Variants in LGSN observed in about 807,000 individuals in gnomAD.
LGSN encodes lengsin.
In LGSN, 21 loss-of-function variants were observed where a neutral mutation model predicts 19.5. That is an observed-to-expected ratio of 1.07 (90% confidence interval 0.76 to 1.55). The LOEUF (loss-of-function observed/expected upper bound fraction) is 1.55, where lower values mean the gene tolerates loss of function less well. Among genes scored for constraint, LGSN ranks in the 40% most tolerant of loss-of-function variants. The pLI, the probability that LGSN is intolerant of heterozygous loss-of-function variation, is 0.00. For synonymous variants in LGSN, 257 were observed against 215.6 expected, an observed-to-expected ratio of 1.19 and a Z score of -1.68; for missense variants, 673 against 608.5, an observed-to-expected ratio of 1.11 and a Z score of -1.12.
At chr6:63,484,970 A>T in the LGSN span, among the ~76,000 whole-genome samples, 1 of 152,198 alleles carries the variant, frequency 6.6e-6, no homozygotes, top group African/African-American at 2.4e-5. Context: ...AGAAAGATTT[A>T]GATTTATTCT....
chr6:63,370,689 G>A, the LGSN span, among the ~76,000 whole-genome samples: 2 of 152,336 alleles, frequency 1.3e-5, no homozygotes, highest in Non-Finnish European at 1.5e-5. Flanking sequence ...CTGGGCAGGG[G>A]CACAGATTGG....
At chr6:63,408,480 T>C in the LGSN span, among the ~76,000 whole-genome samples, 55 of 145,370 alleles carry the variant, frequency 3.8e-4, no homozygotes, top group Admixed American at 1.7e-3. Flanking sequence ...TAGCCATATG[T>C]AGAAAGCTGA....
chr6:63,352,324 G>A, the LGSN span, among the ~76,000 whole-genome samples: 1 of 152,114 alleles, frequency 6.6e-6, no homozygotes, highest in Non-Finnish European at 1.5e-5. Flanking sequence ...GGAATGTCAT[G>A]CTTATGCCTT....
the LGSN span, among the ~76,000 whole-genome samples, chr6:63,379,326 C>A: frequency 2.5e-4 from 38 of 152,258 alleles, no homozygotes; most frequent in African/African-American, 8.7e-4. Flanking sequence ...AACGAGGAGA[C>A]AACTGCTGTT....
the LGSN span, among the ~76,000 whole-genome samples, chr6:63,543,435 A>G: frequency 6.6e-6 from 1 of 152,240 alleles, no homozygotes; most frequent in African/African-American, 2.4e-5. Context: ...CTCCCACTAA[A>G]GTGTAAATTA....
the LGSN span, among the ~76,000 whole-genome samples, chr6:63,409,352 C>G: frequency 6.6e-6 from 1 of 152,262 alleles, no homozygotes; most frequent in African/African-American, 2.4e-5. Context: ...TCAGTCTATT[C>G]AGGCTTTTTA....
At chr6:63,520,101 A>G in the LGSN span, among the ~76,000 whole-genome samples, 2 of 152,194 alleles carry the variant, frequency 1.3e-5, no homozygotes, top group Non-Finnish European at 2.9e-5. Context: ...TCAAACAAAA[A>G]CTAACCACTG....
the LGSN span, among the ~76,000 whole-genome samples, chr6:63,544,628 T>C: frequency 6.6e-6 from 1 of 152,172 alleles, no homozygotes; most frequent in Non-Finnish European, 1.5e-5. Flanking sequence ...GTGGATCAGT[T>C]ATTATTTATC....
the LGSN span, among the ~76,000 whole-genome samples, chr6:63,555,915 T>C: frequency 1.3e-5 from 2 of 152,038 alleles, no homozygotes; most frequent in Non-Finnish European, 2.9e-5. Context: ...GCTGGCGAAC[T>C]CCTGGCCTCA....
chr6:63,327,501 G>A, the LGSN span, among the ~76,000 whole-genome samples: 1 of 152,202 alleles, frequency 6.6e-6, no homozygotes, highest in African/African-American at 2.4e-5. Context: ...AGAAGGTGCA[G>A]AGTCCTCCTT....
the LGSN span, among the ~76,000 whole-genome samples, chr6:63,516,895 A>C: frequency 3.1e-3 from 467 of 152,310 alleles, no homozygotes; most frequent in African/African-American, 0.011. Context: ...TATGTGCCAG[A>C]GGTATTAGAC....
At chr6:63,361,170 C>G in the LGSN span, among the ~76,000 whole-genome samples, 2 of 152,252 alleles carry the variant, frequency 1.3e-5, no homozygotes, top group Admixed American at 6.5e-5. Flanking sequence ...AGAACCACTA[C>G]TCTCTTCAAA....
the LGSN span, among the ~76,000 whole-genome samples, chr6:63,558,824 CA>C: frequency 6.6e-6 from 1 of 152,284 alleles, no homozygotes; most frequent in South Asian, 2.1e-4. Flanking sequence ...CAAGCCATCC[CA>C]GGGGCCCCCA....
the LGSN span, among the ~76,000 whole-genome samples, chr6:63,487,978 T>G: frequency 1.4e-5 from 2 of 144,700 alleles, no homozygotes; most frequent in Non-Finnish European, 3.0e-5. Flanking sequence ...AGACCCCATC[T>G]CAAAAAAATA....
chr6:63,570,650 A>G, the LGSN span, among the ~76,000 whole-genome samples: 10 of 152,216 alleles, frequency 6.6e-5, no homozygotes, highest in Non-Finnish European at 1.3e-4. Context: ...ATCTTGTCCC[A>G]CCAAATGTAT....
the LGSN span, among the ~76,000 whole-genome samples, chr6:63,422,285 A>C: frequency 1.3e-5 from 2 of 152,252 alleles, no homozygotes; most frequent in Non-Finnish European, 2.9e-5. Flanking sequence ...GCTGGTCTCA[A>C]ACTCCTGACC....
the LGSN span, chr6:63,572,335 G>T: frequency 3.9e-6 from 1 of 259,580 alleles, no homozygotes; most frequent in Non-Finnish European, 7.3e-6. Context: ...TCACACCGGC[G>T]GCGGCCGCCG....
chr6:63,454,585 C>T, the LGSN span, among the ~76,000 whole-genome samples: 13 of 149,652 alleles, frequency 8.7e-5, no homozygotes, highest in Middle Eastern at 0.011. Context: ...CAGTTCTCTG[C>T]CTCAGCTTCC....
the LGSN span, among the ~76,000 whole-genome samples, chr6:63,382,142 C>A: frequency 6.6e-6 from 1 of 152,128 alleles, no homozygotes; most frequent in African/African-American, 2.4e-5. Flanking sequence ...ATTTCCTCTA[C>A]AAAATGTATT....
Sources: gnomAD v4.1 joint callset for allele counts (sites outside exome capture counted in the v4.1 genomes callset) on GRCh38, gnomAD v4.1.1 for gene constraint, MANE v1.5 for transcripts, NCBI Gene and HGNC (gene_info 2026-07-23, HGNC 2026-07-21) for gene names.